R3HCC1L: variants seen among roughly 807,000 people sequenced by gnomAD.
R3HCC1L encodes coiled-coil domain-containing protein R3HCC1L.
A neutral mutation model predicts 59.9 loss-of-function variants in R3HCC1L; 51 were observed. The observed-to-expected ratio is 0.85, with a 90% confidence interval of 0.68 to 1.07. The LOEUF (loss-of-function observed/expected upper bound fraction) is 1.07, where lower values mean the gene tolerates loss of function less well. Ranked by LOEUF, R3HCC1L falls within the 50% of genes least tolerant of loss-of-function variation. R3HCC1L has a pLI of 0.00. For synonymous variants in R3HCC1L, 322 were observed against 315.2 expected (o/e 1.02, Z -0.23); for missense variants, 965 against 933.0 (o/e 1.03, Z -0.45).
chr10:98,218,568 T>A (rs1854486121), intron 5 of R3HCC1L, among the ~76,000 whole-genome samples: 2 of 152,212 alleles, frequency 1.3e-5, no homozygotes, highest in African/African-American at 4.8e-5. Context: ...AGTCTTTTAC[T>A]AATTTTGGGT....
Position 98,167,376 on chromosome 10 carries a change from C to A in R3HCC1L, c.-15+3979C>A, listed in dbSNP as rs187168587. ...TTGCTTTTGGTTTCTCAGTTTCTCA[C>A]CAGGCACATTTCACACCTGCTGGTA... On this transcript the variant is annotated intron_variant, in intron 4 of 9. Transcript: ENST00000298999. 5.1e-3 allele frequency among the ~76,000 whole-genome samples: 782 copies of A among 152,316 alleles called. 4 individuals carry two copies. The Middle Eastern group carries it at 0.058, about 11-fold the overall frequency.
At position 98,208,362 on chromosome 10, in the gene R3HCC1L, G is replaced by A. The variant is rs769525398; in HGVS notation, c.248G>A (p.Arg83Lys). The A allele has an allele frequency of 2.5e-6, 4 of 1,614,032 alleles. No homozygotes were observed. Among genetic ancestry groups the A allele is most frequent in the Non-Finnish European group, 3.4e-6 (4 of 1,180,002 alleles). Residue 83 changes from arginine (R) to lysine (K), a missense_variant, in exon 5 of 10, where the codon AGA becomes AAA. By Grantham distance (26) the Arg-to-Lys change is conservative (BLOSUM62 2). Transcript: ENST00000298999. ...CCTGATAGAAAGGAGCATAATTGTA[G>A]AGAAGAAAAGAAATCTTCAACAAAA... is the stretch of plus-strand genomic sequence containing the variant. ...INPDRKEHNC[R>K]EEKKSSTKLR...
chr10:98,186,173 A>T (rs1012498521), intron 4 of R3HCC1L, among the ~76,000 whole-genome samples: 2 of 152,080 alleles, frequency 1.3e-5, no homozygotes, highest in Non-Finnish European at 2.9e-5. Context: ...ATGGCCCAAA[A>T]TTCATTGAGG....
intron 4 of R3HCC1L, among the ~76,000 whole-genome samples, chr10:98,171,004 A>G (rs1051478048): frequency 2.0e-5 from 3 of 152,220 alleles, no homozygotes; most frequent in Non-Finnish European, 4.4e-5. Flanking sequence ...GGGAAGCACA[A>G]TAGTATATAG....
chr10:98,230,041 T>TC (rs896750767), intron 5 of R3HCC1L, among the ~76,000 whole-genome samples: 4 of 131,600 alleles, frequency 3.0e-5, no homozygotes, highest in African/African-American at 1.1e-4. Flanking sequence ...TCTGAAATTC[T>TC]CTTTTTTTGT....
rs745857544 is a variant in R3HCC1L at position 98,236,123 on chromosome 10, C to T, written c.2228C>T (p.Thr743Ile). 1.2e-6 allele frequency: 2 copies of T among 1,613,936 alleles called. No individual in the cohort carries two copies. Among genetic ancestry groups the T allele is most frequent in the South Asian group, 2.2e-5 (2 of 91,080 alleles). The change falls in exon 9 of 10, where the codon ACC becomes ATC. Residue 743 changes from threonine (T) to isoleucine (I), a missense_variant. Transcript: ENST00000298999. The part of the protein sequence containing the change: ...ALGVRSKQSK[T>I]EREAELKKLQ... ...GGGGTTCGAAGTAAGCAGAGCAAAA[C>T]CGAACGAGAAGCAGAGCTCAAGAAA...
At chr10:98,135,880 GT>G (rs1479865561) in intron 1 of R3HCC1L, among the ~76,000 whole-genome samples, 1 of 152,190 alleles carries the variant, frequency 6.6e-6, no homozygotes, top group Non-Finnish European at 1.5e-5. Context: ...CTTGTGTCTT[GT>G]GTCACAGTTG....
chr10:98,216,842 AGT>A (rs1854268201), intron 5 of R3HCC1L, among the ~76,000 whole-genome samples: 1 of 152,126 alleles, frequency 6.6e-6, no homozygotes, highest in South Asian at 2.1e-4. Flanking sequence ...AGCCCCCCAA[AGT>A]GTTGGGATTA....
At chr10:98,159,997 G>A (rs1847246417) in intron 2 of R3HCC1L, among the ~76,000 whole-genome samples, 1 of 152,206 alleles carries the variant, frequency 6.6e-6, no homozygotes, top group African/African-American at 2.4e-5. Flanking sequence ...TAAAAGCAGT[G>A]AGTTTATACA....
At chr10:98,220,159 C>T (rs1156419554) in intron 5 of R3HCC1L, among the ~76,000 whole-genome samples, 1 of 151,936 alleles carries the variant, frequency 6.6e-6, no homozygotes, top group Non-Finnish European at 1.5e-5. Context: ...CTATTGCCCT[C>T]AATTGTATTT....
At chr10:98,191,168 C>T (rs952249483) in intron 4 of R3HCC1L, among the ~76,000 whole-genome samples, 10 of 152,122 alleles carry the variant, frequency 6.6e-5, no homozygotes, top group African/African-American at 2.4e-4. Flanking sequence ...GGTATGTACC[C>T]AGTAATGGGA....
chr10:98,156,272 A>G (rs565984159), intron 2 of R3HCC1L, 125 bp downstream of exon 2: 1 of 152,254 alleles, frequency 6.6e-6, no homozygotes, highest in East Asian at 1.9e-4. Flanking sequence ...CACATCCTCT[A>G]GTAGTTGTGT....
intron 4 of R3HCC1L, among the ~76,000 whole-genome samples, chr10:98,188,499 A>T (rs907734581): frequency 1.3e-5 from 2 of 152,218 alleles, no homozygotes; most frequent in Non-Finnish European, 2.9e-5. Context: ...TGGATCCATT[A>T]TAGGATAGGC....
chr10:98,138,566 C>T (rs1844821187), intron 1 of R3HCC1L, among the ~76,000 whole-genome samples: 1 of 151,908 alleles, frequency 6.6e-6, no homozygotes, highest in Admixed American at 6.6e-5. Flanking sequence ...TGTTCCTTGA[C>T]TGTTTTTTAC....
intron 1 of R3HCC1L, among the ~76,000 whole-genome samples, chr10:98,141,411 G>A (rs1845123304): frequency 6.6e-6 from 1 of 152,196 alleles, no homozygotes; most frequent in East Asian, 1.9e-4. Flanking sequence ...CTTGATTTTA[G>A]GGGTGGTGTG....
At position 98,221,571 on chromosome 10, in the gene R3HCC1L, G is replaced by A. The variant is rs534482631; in HGVS notation, c.1786-9941G>A. Among the ~76,000 whole-genome samples the A allele has an allele frequency of 3.1e-3, 463 of 151,508 alleles. 4 individuals carry two copies. The highest frequency in any genetic ancestry group is 9.5e-3 in the African/African-American group (393 of 41,306). ...GATTTTTGTATAAGGTGTAAGGAAG[G>A]GATCCAGTTTCAGCTTTCTACATAT... On this transcript the variant is annotated intron_variant, in intron 5 of 9. Transcript: ENST00000298999.
In R3HCC1L at chr10:98,242,165, C is replaced by T. The variant is rs138750801; in HGVS notation, c.2270-1926C>T. On this transcript the variant is annotated intron_variant, in intron 9 of 9. Coordinates refer to ENST00000298999, the MANE Select transcript of R3HCC1L (RefSeq NM_001351015.2). ...TTCAAGACCATTCTGGCTAGCATGGCGAAACTCTGTCTCTACTACATATAC... is the reference window on the plus strand; with the variant it reads ...TTCAAGACCATTCTGGCTAGCATGGTGAAACTCTGTCTCTACTACATATAC... Among the ~76,000 whole-genome samples, 9 of 152,154 alleles carry T rather than the reference C, an allele frequency of 5.9e-5. No individual in the cohort carries two copies. The East Asian group carries it at 1.5e-3, about 26-fold the overall frequency.
intron 4 of R3HCC1L, among the ~76,000 whole-genome samples, chr10:98,183,806 C>G (rs1309046711): frequency 6.6e-6 from 1 of 152,054 alleles, no homozygotes; most frequent in Non-Finnish European, 1.5e-5. Flanking sequence ...GTTTCCATCC[C>G]TCTGCTTAAA....
intron 5 of R3HCC1L, among the ~76,000 whole-genome samples, chr10:98,217,278 G>A (rs184044437): frequency 1.4e-4 from 21 of 152,218 alleles, no homozygotes; most frequent in East Asian, 7.7e-4. Context: ...TGAAGAGGGC[G>A]TGCTTTCCTC....
Sources: allele counts gnomAD v4.1 joint callset (sites outside exome capture counted in the v4.1 genomes callset), GRCh38; gene constraint gnomAD v4.1.1; transcripts MANE v1.5; gene names NCBI Gene and HGNC (gene_info 2026-07-23, HGNC 2026-07-21).